The following ZNF708 variants were observed in gnomAD, a reference collection of about 807,000 sequenced individuals.
ZNF708 encodes ZNF15, ZNF15L1.
ZNF708 carries 44 observed loss-of-function variants against 47.0 expected under a neutral mutation model. That is an observed-to-expected ratio of 0.94 (90% CI 0.74 to 1.20). ZNF708 has a LOEUF of 1.20. Ranked by LOEUF, ZNF708 falls within the 50% of genes most tolerant of loss-of-function variation. The probability of loss-of-function intolerance (pLI) is 0.00; values close to 1 mark genes in which losing one functional copy is unlikely to be tolerated. For synonymous variants in ZNF708, 184 were observed against 218.5 expected (o/e 0.84, Z 1.39); for missense variants, 557 against 656.0 (o/e 0.85, Z 1.65).
Position 21,297,271 on chromosome 19 carries a change from T to TATATATATATATA in ZNF708, c.227-2533_227-2532insTATATATATATAT, listed in dbSNP as rs1491214834. Among the ~76,000 whole-genome samples the TATATATATATATA allele has an allele frequency of 1.9e-3, 33 of 16,972 alleles. 4 individuals carry two copies. The highest frequency in any genetic ancestry group is 4.9e-3 in the East Asian group (3 of 618). 11.1% of individuals were successfully genotyped at this position (16,972 alleles called of 152,430 possible). A position where few individuals can be genotyped will look rare whatever the true frequency, so the allele number is the denominator to read the frequency against. ...ATATATATATATATATATATATATA[T>TATATATATATATA]TTTTTTTTTTTTTTTTTTTTTTTTT... On this transcript the variant is annotated intron_variant, in intron 3 of 3. Coordinates refer to ENST00000356929, the MANE Select transcript of ZNF708 (RefSeq NM_021269.3).
intron 1 of ZNF708, among the ~76,000 whole-genome samples, chr19:21,328,375 T>C (rs1265218222): frequency 2.6e-5 from 4 of 152,192 alleles, no homozygotes; most frequent in African/African-American, 7.2e-5. Flanking sequence ...GAATGTGAAT[T>C]AGGAAAGGCA....
chr19:21,307,686 A>C (rs1440849211), intron 3 of ZNF708, among the ~76,000 whole-genome samples: 1 of 152,150 alleles, frequency 6.6e-6, no homozygotes, highest in African/African-American at 2.4e-5. Flanking sequence ...TTGAAGAGGC[A>C]TTTGCATTTT....
chr19:21,311,519 T>G (rs1452645320), intron 1 of ZNF708, among the ~76,000 whole-genome samples: 1 of 152,138 alleles, frequency 6.6e-6, no homozygotes, highest in Non-Finnish European at 1.5e-5. Flanking sequence ...TAGTCTGAAT[T>G]TAACCATAAA....
intron 3 of ZNF708, among the ~76,000 whole-genome samples, chr19:21,298,131 G>A (rs1972578041): frequency 6.6e-6 from 1 of 152,020 alleles, no homozygotes; most frequent in South Asian, 2.1e-4. Flanking sequence ...AATAAAACAA[G>A]ATGGAATATT....
At chr19:21,327,256 G>A (rs191853575) in intron 1 of ZNF708, among the ~76,000 whole-genome samples, 55 of 152,138 alleles carry the variant, frequency 3.6e-4, no homozygotes, top group Non-Finnish European at 5.7e-4. Flanking sequence ...TAGACCGGGC[G>A]CGGTGGCTCA....
At chr19:21,311,583 T>G (rs569885072) in intron 1 of ZNF708, among the ~76,000 whole-genome samples, 6 of 152,250 alleles carry the variant, frequency 3.9e-5, no homozygotes, top group Admixed American at 3.3e-4. Flanking sequence ...CCCGTTTTAA[T>G]TTTTAATAAT....
chr19:21,317,845 T>C (rs1231993173), intron 1 of ZNF708, among the ~76,000 whole-genome samples: 1 of 152,218 alleles, frequency 6.6e-6, no homozygotes, highest in Non-Finnish European at 1.5e-5. Flanking sequence ...TTTCACATCT[T>C]CATGACAGGA....
chr19:21,314,335 CAATTT>C (rs1344112539), intron 1 of ZNF708, among the ~76,000 whole-genome samples: 1 of 152,018 alleles, frequency 6.6e-6, no homozygotes, highest in African/African-American at 2.4e-5. Flanking sequence ...TACTAATAAG[CAATTT>C]AAACAAATCT....
In ZNF708 at chr19:21,310,583, CT is replaced by C; in HGVS notation, c.47del (p.Glu16GlyfsTer19). ...FMDVAIEFSL[E>X]EWQCLDTAQQ... ...GTGCTGTGTCCAGGCACTGCCACTC[CT>C]CCAGAGAGAATTCTATGGCCACATC... On this transcript the variant is annotated frameshift_variant, in exon 2 of 4. Coordinates refer to ENST00000356929, the MANE Select transcript of ZNF708 (RefSeq NM_021269.3). LOFTEE classifies it high-confidence loss of function. 1 of 1,535,020 alleles carries C rather than the reference CT, an allele frequency of 6.5e-7. No individual in the cohort carries two copies. Among genetic ancestry groups the C allele is most frequent in the South Asian group, 1.3e-5 (1 of 78,428 alleles).
intron 1 of ZNF708, among the ~76,000 whole-genome samples, chr19:21,311,286 T>C (rs1568351357): frequency 6.6e-6 from 1 of 152,108 alleles, no homozygotes; most frequent in Admixed American, 6.5e-5. Context: ...TTATGCACAT[T>C]AGCTGCATAA....
At chr19:21,297,213 T>C (rs746055893) in intron 3 of ZNF708, among the ~76,000 whole-genome samples, 19 of 135,140 alleles carry the variant, frequency 1.4e-4, no homozygotes, top group Non-Finnish European at 2.7e-4. Context: ...AGAGCAGATA[T>C]AATGAGAAAG....
At chr19:21,309,442 T>C (rs1972852852) in intron 2 of ZNF708, 101 bp from the exon 3 acceptor site, 1 of 1,151,572 alleles carries the variant, frequency 8.7e-7, no homozygotes, top group Non-Finnish European at 1.2e-6. Flanking sequence ...GCACAGTGGC[T>C]CATCCTGGTA....
rs549040753 is a variant in ZNF708, at chr19:21,293,990, G to A, written c.976C>T (p.His326Tyr). ...TTCTCACCAGTATGAATCCTCTTAT[G>A]TGTAGTAAGGTGTGAAGATAGGGTA... ...AFTLSSHLTT[H>Y]KRIHTGEKPY... The change falls in exon 4 of 4, where the codon CAT (histidine) becomes TAT (tyrosine). Residue 326 changes from histidine (H) to tyrosine (Y), a missense_variant. Transcript: ENST00000356929. 9.4e-5 allele frequency: 151 copies of A among 1,612,948 alleles called. No homozygotes were observed. Among genetic ancestry groups the A allele is most frequent in the Middle Eastern group, 6.6e-4 (4 of 6,046 alleles).
intron 1 of ZNF708, among the ~76,000 whole-genome samples, chr19:21,327,576 TG>T (rs2145193342): frequency 6.6e-6 from 1 of 151,576 alleles, no homozygotes; most frequent in African/African-American, 2.4e-5. Context: ...TGTGTCTGAC[TG>T]ATATTCACCC....
At chr19:21,323,651 C>T (rs1258966305) in intron 1 of ZNF708, among the ~76,000 whole-genome samples, 2 of 152,136 alleles carry the variant, frequency 1.3e-5, no homozygotes, top group African/African-American at 2.4e-5. Context: ...CTATAAACTG[C>T]CTCAAAACAA....
intron 1 of ZNF708, among the ~76,000 whole-genome samples, chr19:21,311,952 C>G (rs760516667): frequency 3.7e-4 from 57 of 152,220 alleles, no homozygotes; most frequent in Non-Finnish European, 6.5e-4. Flanking sequence ...ATCTGAACCC[C>G]TCATACTCAA....
At chr19:21,307,945 A>G (rs923026230) in intron 3 of ZNF708, among the ~76,000 whole-genome samples, 1 of 152,162 alleles carries the variant, frequency 6.6e-6, no homozygotes, top group Non-Finnish European at 1.5e-5. Context: ...CTTATAAGTT[A>G]TCATTCTATA....
intron 1 of ZNF708, among the ~76,000 whole-genome samples, chr19:21,325,321 T>C (rs1263100776): frequency 6.6e-6 from 1 of 152,138 alleles, no homozygotes; most frequent in Admixed American, 6.6e-5. Context: ...AACTACACTA[T>C]AAGGCCATAG....
At chr19:21,310,447 A>C (rs1972873307) in intron 2 of ZNF708, 54 bp downstream of exon 2, 1 of 943,988 alleles carries the variant, frequency 1.1e-6, no homozygotes, top group Non-Finnish European at 1.3e-6. Flanking sequence ...TCTGTCTCAA[A>C]AAAAAAAATA....
Sources: gnomAD v4.1 joint callset for allele counts (sites outside exome capture counted in the v4.1 genomes callset) on GRCh38, gnomAD v4.1.1 for gene constraint, MANE v1.5 for transcripts, NCBI Gene and HGNC (gene_info 2026-07-23, HGNC 2026-07-21) for gene names.